VMP1: variants seen among roughly 807,000 people sequenced by gnomAD.
VMP1 encodes the protein vacuole membrane protein 1.
In VMP1, 11 loss-of-function variants were observed where a neutral mutation model predicts 56.0. The ratio of observed to expected loss-of-function variants is 0.20; its 90% confidence interval spans 0.12 to 0.32. VMP1 has a LOEUF of 0.32. VMP1 is among the 10% of genes least tolerant of loss of function. VMP1 has a pLI of 1.00. For synonymous variants in VMP1, 149 were observed against 165.0 expected (o/e 0.90, Z 0.74); for missense variants, 296 against 490.3 (o/e 0.60, Z 3.74).
chr17:59,721,342 G>A (rs959243755), intron 1 of VMP1, among the ~76,000 whole-genome samples: 24 of 151,948 alleles, frequency 1.6e-4, no homozygotes, highest in African/African-American at 2.4e-4. Flanking sequence ...GCGAAACTCC[G>A]TCTCAAAAAA....
chr17:59,795,714 G>A (rs1043143926), intron 7 of VMP1, among the ~76,000 whole-genome samples: 7 of 152,038 alleles, frequency 4.6e-5, no homozygotes, highest in South Asian at 2.1e-4. Context: ...TCTTATTTTC[G>A]TTGTAAGATT....
chr17:59,788,630 C>T (rs1444617547), intron 7 of VMP1, among the ~76,000 whole-genome samples: 1 of 151,848 alleles, frequency 6.6e-6, no homozygotes, highest in East Asian at 1.9e-4. Context: ...AATGGCGAAA[C>T]CCCGTCTCTA....
intron 5 of VMP1, among the ~76,000 whole-genome samples, chr17:59,760,237 A>G (rs1166590100): frequency 6.6e-6 from 1 of 151,976 alleles, no homozygotes; most frequent in Non-Finnish European, 1.5e-5. Context: ...AAATATAACA[A>G]CCTTATAATA....
At chr17:59,827,357 CCCAG>C (rs1368753655) in intron 10 of VMP1, among the ~76,000 whole-genome samples, 1 of 151,492 alleles carries the variant, frequency 6.6e-6, no homozygotes, top group Non-Finnish European at 1.5e-5. Context: ...TGCTCTGTCG[CCCAG>C]CCTGGAGTGC....
intron 7 of VMP1, among the ~76,000 whole-genome samples, chr17:59,778,442 C>T (rs2777890): frequency 6.6e-6 from 1 of 151,368 alleles, no homozygotes. Flanking sequence ...ACTTGGGAGG[C>T]TGAGGCAGGA....
In VMP1 at chr17:59,840,333, A is replaced by G. The variant is rs2039119316; in HGVS notation, c.*422A>G. The G allele has an allele frequency of 5.7e-6, 1 of 176,044 alleles. No individual in the cohort carries two copies. Among genetic ancestry groups the G allele is most frequent in the South Asian group, 1.2e-4 (1 of 8,536 alleles). 10.9% of individuals were successfully genotyped at this position (176,044 alleles called of 1,614,324 possible). A position where few individuals can be genotyped will look rare whatever the true frequency, so the allele number is the denominator to read the frequency against. On this transcript the variant is annotated 3_prime_UTR_variant, in exon 12 of 12. Transcript: ENST00000262291. ...TCATCAAAATGTATATAAATTATCT[A>G]GATTGGATAACAGTCTTGCATGTTT...
At chr17:59,753,184 G>T (rs770907054) in intron 5 of VMP1, among the ~76,000 whole-genome samples, 1 of 152,016 alleles carries the variant, frequency 6.6e-6, no homozygotes, top group Non-Finnish European at 1.5e-5. Flanking sequence ...TGGAGGTTGA[G>T]GCCAAGGTTG....
chr17:59,777,752 T>A (rs902883684), intron 7 of VMP1, among the ~76,000 whole-genome samples: 6 of 152,014 alleles, frequency 3.9e-5, no homozygotes, highest in Admixed American at 3.3e-4. Flanking sequence ...AGGCAGAGGT[T>A]GCGGTGAGCC....
intron 6 of VMP1, 53 bp downstream of exon 6, chr17:59,765,191 T>C: frequency 6.5e-7 from 1 of 1,545,724 alleles, no homozygotes; most frequent in South Asian, 1.2e-5. Flanking sequence ...ATCTTGATAG[T>C]GTGTGTACCT....
intron 6 of VMP1, among the ~76,000 whole-genome samples, chr17:59,767,792 A>G (rs974560175): frequency 6.6e-6 from 1 of 152,172 alleles, no homozygotes; most frequent in Non-Finnish European, 1.5e-5. Context: ...AATATTAAAT[A>G]TACCTTAAAA....
intron 10 of VMP1, among the ~76,000 whole-genome samples, chr17:59,827,671 C>T (rs1016134321): frequency 6.6e-6 from 1 of 152,080 alleles, no homozygotes; most frequent in Non-Finnish European, 1.5e-5. Flanking sequence ...CTATAAAAAG[C>T]TGCCACCAGG....
intron 1 of VMP1, among the ~76,000 whole-genome samples, chr17:59,714,456 G>A (rs1291305186): frequency 6.6e-6 from 1 of 152,136 alleles, no homozygotes; most frequent in Non-Finnish European, 1.5e-5. Context: ...TTTAACATGA[G>A]TTTTGGAGGG....
At chr17:59,775,180 G>A (rs1274020577) in intron 7 of VMP1, among the ~76,000 whole-genome samples, 10 of 152,072 alleles carry the variant, frequency 6.6e-5, no homozygotes, top group East Asian at 1.9e-4. Flanking sequence ...TCCTGACCTC[G>A]CAATCCACCC....
At chr17:59,820,955 GTCTT>G (rs757906292) in intron 10 of VMP1, among the ~76,000 whole-genome samples, 12 of 150,686 alleles carry the variant, frequency 8.0e-5, no homozygotes, top group Non-Finnish European at 8.9e-5. Context: ...AATATCTTAT[GTCTT>G]TCTTTCTTTT....
At chr17:59,804,130 A>G (rs1377412349) in intron 7 of VMP1, among the ~76,000 whole-genome samples, 1 of 152,128 alleles carries the variant, frequency 6.6e-6, no homozygotes, top group East Asian at 1.9e-4. Flanking sequence ...TATACAAATA[A>G]TTAAAAAATA....
chr17:59,747,610 C>A (rs965630921), intron 5 of VMP1, among the ~76,000 whole-genome samples: 2 of 150,844 alleles, frequency 1.3e-5, no homozygotes, highest in Non-Finnish European at 2.9e-5. Context: ...GGGGTTTCAC[C>A]ATGTTGGCCA....
At chr17:59,811,595 C>A in intron 8 of VMP1, 75 bp from the exon 9 acceptor site, 1 of 1,097,350 alleles carries the variant, frequency 9.1e-7, no homozygotes, top group Non-Finnish European at 1.4e-6. Context: ...AAGCAGAATA[C>A]CACATATCAA....
chr17:59,807,006 CA>C (rs2037863517), intron 7 of VMP1, among the ~76,000 whole-genome samples: 2 of 151,884 alleles, frequency 1.3e-5, no homozygotes, highest in South Asian at 4.2e-4. Context: ...GCTTTAATTT[CA>C]GTATTAACTA....
At chr17:59,835,732 C>T (rs964068378) in intron 10 of VMP1, among the ~76,000 whole-genome samples, 4 of 150,542 alleles carry the variant, frequency 2.7e-5, no homozygotes, top group Non-Finnish European at 3.0e-5. Context: ...TCAGGTGATC[C>T]GCCCGCCTCG....
Sources: allele counts gnomAD v4.1 joint callset (sites outside exome capture counted in the v4.1 genomes callset), GRCh38; gene constraint gnomAD v4.1.1; transcripts MANE v1.5; gene names NCBI Gene and HGNC (gene_info 2026-07-23, HGNC 2026-07-21).